RANBP2: variants seen among roughly 807,000 people sequenced by gnomAD.
The protein encoded by RANBP2 is RAN binding protein 2.
A neutral mutation model predicts 303.6 loss-of-function variants in RANBP2; 57 were observed. That is an observed-to-expected ratio of 0.19 (90% CI 0.15 to 0.23). RANBP2 has a LOEUF of 0.23. RANBP2 is among the 10% of genes least tolerant of loss of function. The pLI, the probability that RANBP2 is intolerant of heterozygous loss-of-function variation, is 1.00. For missense variants in RANBP2, 3,138 were observed against 3,780.8 expected (o/e 0.83, Z 4.46); for synonymous variants, 1,167 against 1,301.5 (o/e 0.90, Z 2.23).
chr2:109,333,578 G>A, the RANBP2 span, among the ~76,000 whole-genome samples: 25 of 152,186 alleles, frequency 1.6e-4, no homozygotes, highest in Non-Finnish European at 1.8e-4. Flanking sequence ...AATCTCTGGA[G>A]CTCTGGCTGC....
the RANBP2 span, among the ~76,000 whole-genome samples, chr2:109,408,171 T>C: frequency 2.6e-5 from 4 of 152,090 alleles, no homozygotes; most frequent in Non-Finnish European, 4.4e-5. Flanking sequence ...GGGTTGTTCA[T>C]GAATGCCCAC....
In RANBP2 at chr2:108,767,237, C is replaced by G. The variant is rs753471961; in HGVS notation, c.6698C>G (p.Ala2233Gly). 3 of 1,612,028 alleles carry G rather than the reference C, an allele frequency of 1.9e-6. No individual in the cohort carries two copies. Among genetic ancestry groups the G allele is most frequent in the Non-Finnish European group, 1.7e-6 (2 of 1,179,866 alleles). ...GATAACTATGATTTAAGGGAAGATG[C>G]TTTGGATGATAGTGTCAGTAGTAGC... ...EWDNYDLRED[A>G]LDDSVSSSSV... Residue 2233 changes from alanine to glycine, a missense_variant, in exon 20 of 29, where the codon GCT (alanine) becomes GGT (glycine). Around this residue, in one of 20 missense-constraint regions of RANBP2, gnomAD observed 72 missense variants for 86.8 expected, o/e 0.83. Coordinates refer to ENST00000283195, the MANE Select transcript of RANBP2 (RefSeq NM_006267.5).
the RANBP2 span, among the ~76,000 whole-genome samples, chr2:109,032,667 C>T: frequency 3.9e-5 from 6 of 152,166 alleles, no homozygotes; most frequent in African/African-American, 7.2e-5. Flanking sequence ...ATTTCACAGT[C>T]GGGCCACCTC....
At chr2:109,553,125 T>C in the RANBP2 span, 1 of 1,613,634 alleles carries the variant, frequency 6.2e-7, no homozygotes. Flanking sequence ...TCTTTCTCCT[T>C]TACTCGCTGC....
chr2:108,890,232 C>CTTTT, the RANBP2 span, among the ~76,000 whole-genome samples: 22 of 114,688 alleles, frequency 1.9e-4, no homozygotes, highest in African/African-American at 6.3e-4. Context: ...ATGGGGTTTT[C>CTTTT]TTTTTTTTTT....
chr2:109,283,998 G>A, the RANBP2 span, among the ~76,000 whole-genome samples: 12 of 152,290 alleles, frequency 7.9e-5, no homozygotes, highest in Admixed American at 5.9e-4. Context: ...TTCCAGGAGA[G>A]CTTGCCCTGG....
At chr2:109,521,546 G>T in the RANBP2 span, among the ~76,000 whole-genome samples, 5 of 152,236 alleles carry the variant, frequency 3.3e-5, no homozygotes. Context: ...ATCACACGGA[G>T]CTGGCACTCA....
chr2:109,510,556 C>T, the RANBP2 span, among the ~76,000 whole-genome samples: 5 of 152,200 alleles, frequency 3.3e-5, no homozygotes, highest in Admixed American at 2.0e-4. Context: ...GAAGGAACCC[C>T]GGTTCCATCC....
At chr2:109,615,728 G>GATCC in the RANBP2 span, 1 of 1,613,784 alleles carries the variant, frequency 6.2e-7, no homozygotes, top group Admixed American at 1.7e-5. Flanking sequence ...GCGGGCGCTG[G>GATCC]AGGCTTTCAA....
chr2:108,793,627 C>A, the RANBP2 span, among the ~76,000 whole-genome samples: 1 of 150,732 alleles, frequency 6.6e-6, no homozygotes, highest in Non-Finnish European at 1.5e-5. Flanking sequence ...GATGGAGTCT[C>A]GCTCTGTCGC....
chr2:109,170,259 C>A, the RANBP2 span, among the ~76,000 whole-genome samples: 2 of 30,540 alleles, frequency 6.5e-5, 1 homozygote, highest in Middle Eastern at 0.026. Flanking sequence ...CTTCTCTTCT[C>A]TTCTCTTCTC....
chr2:108,773,787 C>T (rs553191091), intron 23 of RANBP2, among the ~76,000 whole-genome samples: 2 of 152,216 alleles, frequency 1.3e-5, no homozygotes, highest in South Asian at 2.1e-4. Context: ...GCTGGGACTA[C>T]AGGCATGCGC....
chr2:109,195,266 G>T, the RANBP2 span, among the ~76,000 whole-genome samples: 5 of 152,304 alleles, frequency 3.3e-5, no homozygotes, highest in South Asian at 1.0e-3. Context: ...ATGGGAACAG[G>T]GAGCTAACAG....
the RANBP2 span, among the ~76,000 whole-genome samples, chr2:109,256,657 C>A: frequency 9.9e-5 from 15 of 152,178 alleles, no homozygotes; most frequent in African/African-American, 3.1e-4. Flanking sequence ...TTTCCCTAGT[C>A]TTCGTGGTCT....
the RANBP2 span, chr2:108,856,767 A>C: frequency 1.5e-4 from 234 of 1,593,992 alleles, no homozygotes; most frequent in Non-Finnish European, 1.8e-4. Context: ...GCAAAACTGC[A>C]GTTGATTGTA....
At chr2:109,130,136 G>C in the RANBP2 span, 1 of 1,284,550 alleles carries the variant, frequency 7.8e-7, no homozygotes, top group Non-Finnish European at 9.8e-7. Context: ...CTCGGCGGAA[G>C]TGGCCACGGC....
the RANBP2 span, among the ~76,000 whole-genome samples, chr2:109,423,791 G>A: frequency 6.6e-6 from 1 of 152,112 alleles, no homozygotes; most frequent in Admixed American, 6.5e-5. Context: ...AGACAGATGC[G>A]ACCAAGAATA....
At chr2:109,162,586 A>G in the RANBP2 span, among the ~76,000 whole-genome samples, 2 of 152,156 alleles carry the variant, frequency 1.3e-5, no homozygotes, top group Non-Finnish European at 2.9e-5. Flanking sequence ...ATAGTATTCC[A>G]TGGTGTATAT....
chr2:108,886,738 TAA>T, the RANBP2 span, among the ~76,000 whole-genome samples: 3 of 150,966 alleles, frequency 2.0e-5, no homozygotes, highest in East Asian at 1.9e-4. Context: ...TAATGGGATT[TAA>T]AAAAAAAATT....
Sources: allele counts gnomAD v4.1 joint callset (sites outside exome capture counted in the v4.1 genomes callset), GRCh38; gene constraint gnomAD v4.1.1; regional missense constraint gnomAD v4.1.1; transcripts MANE v1.5; gene names NCBI Gene and HGNC (gene_info 2026-07-23, HGNC 2026-07-21).